HYCC2: variants seen among roughly 807,000 people sequenced by gnomAD.
The protein encoded by HYCC2 is hyccin 2.
At chr2:201,003,799 T>A in the HYCC2 span, among the ~76,000 whole-genome samples, 3 of 147,924 alleles carry the variant, frequency 2.0e-5, no homozygotes, top group Non-Finnish European at 4.5e-5. Context: ...TTTGTTGTTG[T>A]TGTTGCTTTT....
chr2:200,981,735 C>A, the HYCC2 span: 1 of 1,614,124 alleles, frequency 6.2e-7, no homozygotes, highest in Non-Finnish European at 8.5e-7. This position sits in a 1 kb window ranked among gnomAD's most constrained non-coding sequence, Gnocchi z 4.5. Flanking sequence ...TTGCTACTTT[C>A]CTTAAGCTTC....
the HYCC2 span, among the ~76,000 whole-genome samples, chr2:201,002,148 A>G: frequency 6.6e-6 from 1 of 151,184 alleles, no homozygotes; most frequent in Non-Finnish European, 1.5e-5. Flanking sequence ...AATAAGAAAA[A>G]TGGGGCTGGG....
chr2:201,053,567 T>C, the HYCC2 span, among the ~76,000 whole-genome samples: 7 of 152,136 alleles, frequency 4.6e-5, no homozygotes, highest in Non-Finnish European at 7.4e-5. Context: ...TGAATAGACA[T>C]AGGCCAGCCA....
chr2:200,986,456 A>T, the HYCC2 span, among the ~76,000 whole-genome samples: 150 of 152,330 alleles, frequency 9.8e-4, no homozygotes, highest in African/African-American at 2.4e-3. Context: ...AATAATTTTT[A>T]AAAAAACTGG....
At chr2:201,032,796 A>T in the HYCC2 span, among the ~76,000 whole-genome samples, 2 of 152,158 alleles carry the variant, frequency 1.3e-5, no homozygotes, top group African/African-American at 4.8e-5. Flanking sequence ...AGCTGAGATT[A>T]TACACGTGTG....
the HYCC2 span, among the ~76,000 whole-genome samples, chr2:201,012,197 G>A: frequency 6.6e-6 from 1 of 152,014 alleles, no homozygotes; most frequent in Admixed American, 6.5e-5. Flanking sequence ...TGGTGGCTGA[G>A]GCCTGTAATC....
the HYCC2 span, among the ~76,000 whole-genome samples, chr2:201,055,276 G>T: frequency 6.7e-6 from 1 of 149,928 alleles, no homozygotes; most frequent in Non-Finnish European, 1.5e-5. Flanking sequence ...TCATAATGTT[G>T]TCCAACCATC....
chr2:201,011,247 C>T, the HYCC2 span: 7 of 493,906 alleles, frequency 1.4e-5, 1 homozygote, highest in Admixed American at 8.3e-5. Context: ...CTCGTCACAG[C>T]TCAGTCTTCT....
the HYCC2 span, chr2:201,045,607 A>G: frequency 2.0e-5 from 8 of 397,718 alleles, no homozygotes; most frequent in African/African-American, 1.2e-4. Context: ...TAAAAAATAA[A>G]AATAGAAAAC....
chr2:201,006,627 G>A, the HYCC2 span, among the ~76,000 whole-genome samples: 3 of 152,076 alleles, frequency 2.0e-5, no homozygotes, highest in African/African-American at 7.2e-5. Flanking sequence ...CTGTAAACTT[G>A]AGTGACTTCT....
chr2:201,027,677 C>T, the HYCC2 span, among the ~76,000 whole-genome samples: 125 of 152,162 alleles, frequency 8.2e-4, no homozygotes, highest in Admixed American at 1.8e-3. Flanking sequence ...AATCAATAAA[C>T]GTAACCCATC....
chr2:201,038,036 A>T, the HYCC2 span, among the ~76,000 whole-genome samples: 1 of 152,360 alleles, frequency 6.6e-6, no homozygotes, highest in Non-Finnish European at 1.5e-5. Context: ...GAACTCAAAC[A>T]AATTTACAAG....
chr2:201,060,302 A>T, the HYCC2 span, among the ~76,000 whole-genome samples: 16 of 152,316 alleles, frequency 1.1e-4, no homozygotes, highest in African/African-American at 3.6e-4. Context: ...CACTCTCACT[A>T]ATCTAGTTTG....
the HYCC2 span, chr2:200,992,850 G>T: frequency 8.1e-7 from 1 of 1,235,596 alleles, no homozygotes. Flanking sequence ...CTAAACATTA[G>T]GAAGAATTCA....
At chr2:201,009,310 TA>T in the HYCC2 span, 1 of 377,984 alleles carries the variant, frequency 2.6e-6, no homozygotes, top group Non-Finnish European at 4.9e-6. Flanking sequence ...AAACATTTTT[TA>T]AAAGTCATGT....
the HYCC2 span, among the ~76,000 whole-genome samples, chr2:201,030,441 T>C: frequency 6.6e-6 from 1 of 152,262 alleles, no homozygotes; most frequent in East Asian, 1.9e-4. Context: ...CAGATCTGTA[T>C]TTATATATAT....
At chr2:200,997,600 G>T in the HYCC2 span, 1 of 1,061,040 alleles carries the variant, frequency 9.4e-7, no homozygotes, top group Non-Finnish European at 1.5e-6. Context: ...CTAGCAACTG[G>T]TTATGACAAT....
At chr2:201,008,986 T>G in the HYCC2 span, 1 of 1,608,854 alleles carries the variant, frequency 6.2e-7, no homozygotes, top group Non-Finnish European at 8.5e-7. Flanking sequence ...TTCTGTGCAG[T>G]GAATGTTTCC....
the HYCC2 span, among the ~76,000 whole-genome samples, chr2:201,029,577 T>C: frequency 3.6e-4 from 55 of 152,254 alleles, no homozygotes; most frequent in Admixed American, 2.4e-3. Context: ...GGCACATATA[T>C]ACCATGGAAT....
Sources: allele counts gnomAD v4.1 joint callset (sites outside exome capture counted in the v4.1 genomes callset), GRCh38; gene constraint gnomAD v4.1.1; non-coding constraint Gnocchi (gnomAD v3.1); transcripts MANE v1.5; gene names NCBI Gene and HGNC (gene_info 2026-07-23, HGNC 2026-07-21).